The following GNA12 variants were observed in gnomAD, a reference collection of about 807,000 sequenced individuals.
GNA12 encodes the protein guanine nucleotide-binding protein subunit alpha-12.
GNA12 carries 9 observed loss-of-function variants against 26.0 expected under a neutral mutation model. The ratio of observed to expected loss-of-function variants is 0.35; its 90% CI spans 0.21 to 0.60. GNA12 has a LOEUF of 0.60. Ranked by LOEUF, GNA12 falls within the 20% of genes least tolerant of loss-of-function variation. GNA12 has a pLI of 0.78. For synonymous variants in GNA12, 264 were observed against 219.6 expected (o/e 1.20, Z -1.79); for missense variants, 405 against 525.8 (o/e 0.77, Z 2.25).
intron 2 of GNA12, among the ~76,000 whole-genome samples, chr7:2,759,085 A>G (rs963518077): frequency 1.4e-4 from 22 of 152,012 alleles, no homozygotes; most frequent in African/African-American, 4.8e-4. Flanking sequence ...GGTTGCAATG[A>G]GCCGAGATTA....
At chr7:2,840,300 C>T (rs1315089208) in intron 1 of GNA12, among the ~76,000 whole-genome samples, 2 of 152,170 alleles carry the variant, frequency 1.3e-5, no homozygotes, top group Non-Finnish European at 2.9e-5. Flanking sequence ...CTAGCTCTGC[C>T]ATCTGCTAAT....
chr7:2,781,974 G>C lies in GNA12; in HGVS notation c.525+12954C>G, dbSNP rs549820203. On this transcript the variant is annotated intron_variant, in intron 2 of 3. Coordinates refer to ENST00000275364, the MANE Select transcript of GNA12 (RefSeq NM_007353.3). ...GCATAAGCATAGATGTATAGATTGA[G>C]AGAATAGAATTTGGAGTCTAGAAAT... Among the ~76,000 whole-genome samples, 3 of 152,304 alleles carry C rather than the reference G, an allele frequency of 2.0e-5. No homozygotes were observed. The South Asian group carries it at 6.2e-4, about 32-fold the overall frequency.
intron 2 of GNA12, among the ~76,000 whole-genome samples, chr7:2,759,357 C>T (rs902248085): frequency 2.0e-5 from 3 of 152,148 alleles, no homozygotes; most frequent in Non-Finnish European, 2.9e-5. Flanking sequence ...TGTGCCTGCA[C>T]TGTTCTAAGG....
chr7:2,765,334 G>C (rs1269350266), intron 2 of GNA12, among the ~76,000 whole-genome samples: 1 of 152,022 alleles, frequency 6.6e-6, no homozygotes, highest in Non-Finnish European at 1.5e-5. Context: ...ATTTTTAGTA[G>C]AGATGGGGTT....
chr7:2,741,063 A>C (rs558493481), intron 2 of GNA12, among the ~76,000 whole-genome samples: 1 of 151,734 alleles, frequency 6.6e-6, no homozygotes, highest in African/African-American at 2.4e-5. Context: ...CAAACAAACA[A>C]ACAAACAAAT....
chr7:2,784,230 A>G (rs1354462265), intron 2 of GNA12, among the ~76,000 whole-genome samples: 1 of 152,118 alleles, frequency 6.6e-6, no homozygotes, highest in Non-Finnish European at 1.5e-5. Context: ...GGATCCTCCC[A>G]CCTCGGCTTC....
At position 2,731,076 on chromosome 7, in the gene GNA12, G is replaced by T; in HGVS notation, c.*105C>A. The T allele has an allele frequency of 1.4e-6, 1 of 735,960 alleles. No homozygotes were observed. The highest frequency in any genetic ancestry group is 1.8e-5 in the South Asian group (1 of 56,094). 45.6% of individuals were successfully genotyped at this position (735,960 alleles called of 1,614,324 possible). ...CCTGAGCCAGGTATTCCAGGGCACGGATCCGAGAAACCCACTCAAGGACCA... is the reference window on the plus strand; with the variant it reads ...CCTGAGCCAGGTATTCCAGGGCACGTATCCGAGAAACCCACTCAAGGACCA... On this transcript the variant is annotated 3_prime_UTR_variant, in exon 4 of 4. Coordinates refer to ENST00000275364, the MANE Select transcript of GNA12 (RefSeq NM_007353.3). This position sits in a 1 kb window ranked among gnomAD's most constrained non-coding sequence, Gnocchi z 6.0.
At chr7:2,746,491 C>T (rs1790769918) in intron 2 of GNA12, among the ~76,000 whole-genome samples, 1 of 151,994 alleles carries the variant, frequency 6.6e-6, no homozygotes, top group Non-Finnish European at 1.5e-5. Flanking sequence ...ACACAACATA[C>T]CAGAATCTCT....
chr7:2,761,725 T>C (rs988632436), intron 2 of GNA12, among the ~76,000 whole-genome samples: 2 of 152,058 alleles, frequency 1.3e-5, no homozygotes, highest in Admixed American at 1.3e-4. Flanking sequence ...TAAAAAACAA[T>C]GAAGAGTTGA....
intron 1 of GNA12, among the ~76,000 whole-genome samples, chr7:2,832,342 G>C (rs1238981818): frequency 6.6e-6 from 1 of 152,166 alleles, no homozygotes; most frequent in Admixed American, 6.5e-5. Context: ...ACACAGCAGA[G>C]CACAAAGCCT....
chr7:2,762,651 G>A (rs1406242039), intron 2 of GNA12: 2 of 1,599,184 alleles, frequency 1.3e-6, no homozygotes, highest in Non-Finnish European at 1.7e-6. Context: ...CAGAGCGGCA[G>A]GACGATGAGA....
intron 2 of GNA12, among the ~76,000 whole-genome samples, chr7:2,736,625 G>C (rs1205392162): frequency 6.6e-6 from 1 of 152,204 alleles, no homozygotes; most frequent in African/African-American, 2.4e-5. Flanking sequence ...CGTGACACTG[G>C]GCAGGACCTA....
intron 2 of GNA12, among the ~76,000 whole-genome samples, chr7:2,735,898 GGAA>G (rs1790147969): frequency 6.6e-6 from 1 of 152,086 alleles, no homozygotes; most frequent in Non-Finnish European, 1.5e-5. Context: ...TGGAGGGGAG[GGAA>G]GAAGGGGACA....
chr7:2,736,899 A>G (rs1384049999), intron 2 of GNA12, among the ~76,000 whole-genome samples: 1 of 152,200 alleles, frequency 6.6e-6, no homozygotes, highest in Non-Finnish European at 1.5e-5. Flanking sequence ...CCACGAGAAA[A>G]GAGCTTCAGA....
chr7:2,780,980 T>TGA (rs1225594388), intron 2 of GNA12, among the ~76,000 whole-genome samples: 2 of 152,252 alleles, frequency 1.3e-5, no homozygotes, highest in African/African-American at 4.8e-5. Flanking sequence ...CTGCAGTGTA[T>TGA]GAGAGTTCCT....
intron 1 of GNA12, among the ~76,000 whole-genome samples, chr7:2,803,165 G>C (rs868849154): frequency 6.6e-6 from 1 of 152,194 alleles, no homozygotes; most frequent in African/African-American, 2.4e-5. Context: ...GTAGCAGCAA[G>C]ACAGAGCACG....
chr7:2,779,813 G>A (rs568737856), intron 2 of GNA12, among the ~76,000 whole-genome samples: 1 of 151,922 alleles, frequency 6.6e-6, no homozygotes, highest in East Asian at 1.9e-4. Flanking sequence ...GGCCAGGCTA[G>A]TCTCAAACTC....
chr7:2,762,325 C>T (rs868614837), intron 2 of GNA12: 15 of 323,686 alleles, frequency 4.6e-5, no homozygotes, highest in Middle Eastern at 7.8e-4. Context: ...CCAGGCGCTG[C>T]GCGACTGCTG....
chr7:2,746,896 C>T (rs1452633773), intron 2 of GNA12, among the ~76,000 whole-genome samples: 9 of 152,078 alleles, frequency 5.9e-5, no homozygotes, highest in Middle Eastern at 3.2e-3. Context: ...AACACCTCTA[C>T]GCAAATAAAC....
Sources: gnomAD v4.1 joint callset for allele counts (sites outside exome capture counted in the v4.1 genomes callset) on GRCh38, gnomAD v4.1.1 for gene constraint, Gnocchi (gnomAD v3.1) non-coding constraint, MANE v1.5 for transcripts, NCBI Gene and HGNC (gene_info 2026-07-23, HGNC 2026-07-21) for gene names.